The following IMMP2L variants were observed in gnomAD, a reference collection of about 807,000 sequenced individuals.
IMMP2L encodes the protein mitochondrial inner membrane protease subunit 2.
IMMP2L carries 18 observed loss-of-function variants against 19.3 expected under a neutral mutation model. That is an observed-to-expected ratio of 0.93 (90% CI 0.64 to 1.38). The LOEUF (loss-of-function observed/expected upper bound fraction) is 1.38, where lower values mean the gene tolerates loss of function less well. IMMP2L is among the 40% of genes most tolerant of loss of function. IMMP2L has a pLI of 0.00. For missense variants in IMMP2L, 233 were observed against 218.2 expected (o/e 1.07, Z -0.43); for synonymous variants, 76 against 73.0 (o/e 1.04, Z -0.21).
intron 3 of IMMP2L, among the ~76,000 whole-genome samples, chr7:111,355,789 T>C (rs1316954300): frequency 6.6e-6 from 1 of 152,018 alleles, no homozygotes; most frequent in African/African-American, 2.4e-5. Flanking sequence ...ACAATTAGTC[T>C]ATTTTGATTT....
At chr7:111,498,765 GATGCTGCATTAT>G (rs1476794575) in intron 2 of IMMP2L, among the ~76,000 whole-genome samples, 2 of 151,934 alleles carry the variant, frequency 1.3e-5, no homozygotes, top group Non-Finnish European at 2.9e-5. Context: ...TGTTGAACCT[GATGCTGCATTAT>G]AAGGAAAAAA....
intron 3 of IMMP2L, among the ~76,000 whole-genome samples, chr7:111,241,688 A>G (rs1815062836): frequency 6.6e-6 from 1 of 151,308 alleles, no homozygotes; most frequent in African/African-American, 2.4e-5. Flanking sequence ...TTTTATACAT[A>G]AGTATAAATT....
chr7:110,673,358 C>T (rs946475189), intron 5 of IMMP2L, among the ~76,000 whole-genome samples: 10 of 152,306 alleles, frequency 6.6e-5, no homozygotes, highest in South Asian at 2.1e-4. Flanking sequence ...CCATTTTTCC[C>T]TCCTAGGCCT....
intron 3 of IMMP2L, among the ~76,000 whole-genome samples, chr7:111,041,605 G>A (rs977841901): frequency 6.6e-6 from 1 of 151,196 alleles, no homozygotes; most frequent in African/African-American, 2.4e-5. Flanking sequence ...TCTGATGTGT[G>A]TTTGTCACCA....
chr7:111,557,943 G>A (rs554729184), intron 1 of IMMP2L, among the ~76,000 whole-genome samples: 1 of 151,968 alleles, frequency 6.6e-6, no homozygotes, highest in Non-Finnish European at 1.5e-5. Context: ...AGAACGTACA[G>A]ACATCTTTAG....
intron 5 of IMMP2L, among the ~76,000 whole-genome samples, chr7:110,811,995 G>T (rs886408875): frequency 3.3e-5 from 5 of 151,910 alleles, no homozygotes; most frequent in African/African-American, 1.2e-4. Context: ...TTCTTCTCCA[G>T]GGATAATCAC....
intron 3 of IMMP2L, among the ~76,000 whole-genome samples, chr7:111,222,224 T>G (rs949707087): frequency 6.6e-6 from 1 of 151,948 alleles, no homozygotes; most frequent in Non-Finnish European, 1.5e-5. Context: ...TCCTGATTGA[T>G]TAGACCTAAT....
At chr7:111,148,386 G>C (rs1196941158) in intron 3 of IMMP2L, among the ~76,000 whole-genome samples, 4 of 152,042 alleles carry the variant, frequency 2.6e-5, no homozygotes, top group African/African-American at 4.8e-5. Context: ...ATGATTGCTA[G>C]AGTGTGTGCG....
chr7:111,143,697 A>G (rs1803176468), intron 3 of IMMP2L, among the ~76,000 whole-genome samples: 2 of 152,194 alleles, frequency 1.3e-5, no homozygotes, highest in Non-Finnish European at 1.5e-5. Flanking sequence ...AACTGTGGAA[A>G]GGCACAGAAA....
chr7:111,072,901 C>CA (rs34223033), intron 3 of IMMP2L, among the ~76,000 whole-genome samples: 11,590 of 72,452 alleles, frequency 0.16, 837 homozygotes, highest in Middle Eastern at 0.31. Context: ...AGACTGTCTC[C>CA]AAAAAAAAAA....
chr7:110,772,951 C>A (rs1202561499), intron 5 of IMMP2L, among the ~76,000 whole-genome samples: 1 of 149,566 alleles, frequency 6.7e-6, no homozygotes, highest in African/African-American at 2.5e-5. Context: ...ATATTCATTT[C>A]TTTTTTTTTT....
chr7:110,750,691 C>A (rs1797662691), intron 5 of IMMP2L, among the ~76,000 whole-genome samples: 1 of 152,024 alleles, frequency 6.6e-6, no homozygotes, highest in South Asian at 2.1e-4. Context: ...ATGCTAGACA[C>A]TGTAGGTTGC....
intron 2 of IMMP2L, among the ~76,000 whole-genome samples, chr7:111,513,310 G>C (rs1211238245): frequency 6.6e-6 from 1 of 152,058 alleles, no homozygotes; most frequent in Non-Finnish European, 1.5e-5. Context: ...GACCTGTATA[G>C]AGAATTCTCA....
chr7:110,873,616 A>G (rs1405818552), intron 5 of IMMP2L, among the ~76,000 whole-genome samples: 1 of 150,290 alleles, frequency 6.7e-6, no homozygotes, highest in African/African-American at 2.4e-5. Flanking sequence ...TTACAAAAAA[A>G]AAAAAAAATT....
At chr7:110,967,258 T>G (rs1819633830) in intron 3 of IMMP2L, among the ~76,000 whole-genome samples, 1 of 152,002 alleles carries the variant, frequency 6.6e-6, no homozygotes, top group Non-Finnish European at 1.5e-5. Context: ...ACTAATTTCA[T>G]GTTTTTTTAT....
In IMMP2L at chr7:111,510,426, C is replaced by T. The variant is rs1200453194; in HGVS notation, c.135+10887G>A. 4.6e-5 allele frequency among the ~76,000 whole-genome samples: 7 copies of T among 152,078 alleles called. No individual in the cohort carries two copies. In the East Asian group the frequency reaches 1.4e-3, roughly 29 times the overall value. ...TAGATATTGATACAGATATCAAAAT[C>T]AGTATAGATATCCTGTATATTATGA... is the stretch of plus-strand genomic sequence containing the variant. On this transcript the variant is annotated intron_variant, in intron 2 of 5. Transcript: ENST00000405709.
intron 3 of IMMP2L, among the ~76,000 whole-genome samples, chr7:111,435,641 T>C (rs1024286877): frequency 3.3e-5 from 5 of 151,938 alleles, no homozygotes; most frequent in African/African-American, 1.2e-4. Context: ...AATATACACA[T>C]GTAAGAAACC....
chr7:111,355,300 G>A (rs1281791028), intron 3 of IMMP2L, among the ~76,000 whole-genome samples: 1 of 151,640 alleles, frequency 6.6e-6, no homozygotes, highest in Non-Finnish European at 1.5e-5. Flanking sequence ...TAATACTAAT[G>A]CATGACATCA....
At chr7:110,701,578 G>A (rs1488251191) in intron 5 of IMMP2L, among the ~76,000 whole-genome samples, 2 of 151,966 alleles carry the variant, frequency 1.3e-5, no homozygotes, top group South Asian at 2.1e-4. Context: ...GCACCACCAA[G>A]CCCAGCTAAT....
Sources: allele counts gnomAD v4.1 joint callset (sites outside exome capture counted in the v4.1 genomes callset), GRCh38; gene constraint gnomAD v4.1.1; transcripts MANE v1.5; gene names NCBI Gene and HGNC (gene_info 2026-07-23, HGNC 2026-07-21).